The following GAS7 variants were observed in gnomAD, a reference collection of about 807,000 sequenced individuals.
GAS7 encodes growth arrest specific 7, also known as growth arrest-specific protein 7.
In GAS7, 28 loss-of-function variants were observed where a neutral mutation model predicts 71.1. The observed-to-expected ratio is 0.39, with a 90% CI of 0.29 to 0.54. GAS7 has a LOEUF of 0.54. Ranked by LOEUF, GAS7 falls within the 20% of genes least tolerant of loss-of-function variation. The pLI, the probability that GAS7 is intolerant of heterozygous loss-of-function variation, is 0.62. For missense variants in GAS7, 436 were observed against 627.8 expected, an observed-to-expected ratio of 0.69 and a Z score of 3.27; for synonymous variants, 258 against 245.8, an observed-to-expected ratio of 1.05 and a Z score of -0.46.
chr17:10,055,187 T>C (rs1435582073), intron 1 of GAS7, among the ~76,000 whole-genome samples: 1 of 152,140 alleles, frequency 6.6e-6, no homozygotes, highest in Non-Finnish European at 1.5e-5. Flanking sequence ...ACAGCCATCA[T>C]GGTGAGCAGA....
chr17:9,967,516 G>A (rs148345870), intron 4 of GAS7, among the ~76,000 whole-genome samples: 140 of 152,142 alleles, frequency 9.2e-4, no homozygotes, highest in African/African-American at 3.0e-3. Flanking sequence ...GCCACCGTAC[G>A]TTTTCCAGTT....
chr17:10,193,544 G>A (rs2074517965), intron 1 of GAS7, among the ~76,000 whole-genome samples: 1 of 152,170 alleles, frequency 6.6e-6, no homozygotes, highest in Admixed American at 6.5e-5. Flanking sequence ...AATAGAATGT[G>A]GCAGAAACGA....
intron 1 of GAS7, among the ~76,000 whole-genome samples, chr17:10,023,797 A>G (rs764714754): frequency 3.0e-4 from 46 of 152,206 alleles, no homozygotes; most frequent in Admixed American, 1.5e-3. Flanking sequence ...CTGATGGTAA[A>G]TATTTTGTCA....
intron 1 of GAS7, among the ~76,000 whole-genome samples, chr17:10,117,112 G>A (rs992609645): frequency 1.3e-4 from 20 of 152,148 alleles, no homozygotes; most frequent in African/African-American, 4.8e-4. Context: ...GGGCTGGCTG[G>A]TTCCTCCTGG....
Position 10,191,555 on chromosome 17 carries a change from C to CAAAA in GAS7, c.183+6649_183+6652dup, listed in dbSNP as rs59145222. Among the ~76,000 whole-genome samples, 82 of 88,154 alleles carry CAAAA rather than the reference C, an allele frequency of 9.3e-4. 1 individual carries two copies. The highest frequency in any genetic ancestry group is 2.6e-3 in the African/African-American group (59 of 22,304). 57.8% of individuals were successfully genotyped at this position (88,154 alleles called of 152,430 possible). A position where few individuals can be genotyped will look rare whatever the true frequency, so the allele number is the denominator to read the frequency against. On this transcript the variant is annotated intron_variant, in intron 1 of 13. Coordinates refer to ENST00000432992, the MANE Select transcript of GAS7 (RefSeq NM_201433.2). ...TGGGCAACAGAGCAAGACCCTGTGT[C>CAAAA]AAAAAAAAAAAAAAAAAAGGCAGTA...
At chr17:10,047,966 A>T (rs1465927561) in intron 1 of GAS7, among the ~76,000 whole-genome samples, 1 of 152,240 alleles carries the variant, frequency 6.6e-6, no homozygotes, top group Non-Finnish European at 1.5e-5. Flanking sequence ...AAAATTATCA[A>T]GTATTAATAA....
intron 9 of GAS7, among the ~76,000 whole-genome samples, chr17:9,927,302 C>T (rs2068042064): frequency 6.8e-6 from 1 of 146,286 alleles, no homozygotes; most frequent in Admixed American, 6.7e-5. Context: ...CACACACACA[C>T]ACACACACAC....
intron 2 of GAS7, among the ~76,000 whole-genome samples, chr17:10,015,103 C>T (rs945616706): frequency 1.5e-4 from 23 of 151,558 alleles, no homozygotes; most frequent in Admixed American, 3.9e-4. Context: ...TTCAGTGAGC[C>T]GAGATCGCAC....
chr17:10,137,124 A>AAGAGAG (rs142234371), intron 1 of GAS7, among the ~76,000 whole-genome samples: 1 of 150,410 alleles, frequency 6.6e-6, no homozygotes, highest in Admixed American at 6.6e-5. Flanking sequence ...AAAAGAAAAA[A>AAGAGAG]AGAGAGAGAG....
At chr17:9,986,491 C>A (rs2070654248) in intron 2 of GAS7, among the ~76,000 whole-genome samples, 1 of 152,148 alleles carries the variant, frequency 6.6e-6, no homozygotes, top group Admixed American at 6.5e-5. Context: ...AGCTGCTGGT[C>A]CCCGTTCCTC....
At chr17:10,166,779 T>C (rs1308336202) in intron 1 of GAS7, among the ~76,000 whole-genome samples, 1 of 152,216 alleles carries the variant, frequency 6.6e-6, no homozygotes, top group Non-Finnish European at 1.5e-5. Flanking sequence ...CACTCTTGTG[T>C]TTGCAAAATA....
chr17:9,913,762 T>C lies in GAS7; in HGVS notation c.*3466A>G, dbSNP rs1597427505. 8.6e-6 allele frequency: 2 copies of C among 231,420 alleles called. No homozygotes were observed. Among genetic ancestry groups the C allele is most frequent in the African/African-American group, 2.2e-5 (1 of 45,214 alleles). The allele number at this position is 231,420 out of a possible 1,614,324, so 14.3% of individuals were successfully genotyped here. A position where few individuals can be genotyped will look rare whatever the true frequency, so the allele number is the denominator to read the frequency against. ...CACTGACTGAAAGCACTAGAAAGAATAGAGGGTAACAAGTGGCTCTTCCTG... is the reference window on the plus strand; with the variant it reads ...CACTGACTGAAAGCACTAGAAAGAACAGAGGGTAACAAGTGGCTCTTCCTG... On this transcript the variant is annotated 3_prime_UTR_variant, in exon 14 of 14. Transcript: ENST00000432992.
At chr17:10,075,991 A>G (rs1017515167) in intron 1 of GAS7, among the ~76,000 whole-genome samples, 3 of 150,974 alleles carry the variant, frequency 2.0e-5, no homozygotes, top group African/African-American at 7.3e-5. Flanking sequence ...GATCCCAGCT[A>G]CTTGGGAGGT....
chr17:9,946,815 C>T, intron 6 of GAS7, 79 bp downstream of exon 6: 1 of 829,060 alleles, frequency 1.2e-6, no homozygotes, highest in South Asian at 1.5e-5. Context: ...CTTTGAGATC[C>T]AGGTCCCTCC....
intron 1 of GAS7, among the ~76,000 whole-genome samples, chr17:10,105,931 CCATG>C (rs1373857862): frequency 1.3e-5 from 2 of 152,290 alleles, no homozygotes; most frequent in South Asian, 2.1e-4. Context: ...CCAGACCTTG[CCATG>C]TTCGTATTTC....
intron 1 of GAS7, among the ~76,000 whole-genome samples, chr17:10,075,752 C>T (rs2073383249): frequency 6.6e-6 from 1 of 150,642 alleles, no homozygotes; most frequent in African/African-American, 2.4e-5. Context: ...TTATGACTGT[C>T]CCCCTGCACT....
intron 1 of GAS7, among the ~76,000 whole-genome samples, chr17:10,174,968 TC>T (rs1348318530): frequency 2.0e-5 from 3 of 151,876 alleles, no homozygotes; most frequent in Non-Finnish European, 4.4e-5. Flanking sequence ...ACATTAGACT[TC>T]CGAGTAGCTG....
intron 1 of GAS7, among the ~76,000 whole-genome samples, chr17:10,118,130 C>A (rs1248327571): frequency 6.6e-6 from 1 of 152,084 alleles, no homozygotes; most frequent in Non-Finnish European, 1.5e-5. Context: ...GTGGAGACAG[C>A]CAAGACCATC....
At chr17:10,190,053 G>C (rs1220427908) in intron 1 of GAS7, among the ~76,000 whole-genome samples, 1 of 152,118 alleles carries the variant, frequency 6.6e-6, no homozygotes, top group Non-Finnish European at 1.5e-5. Context: ...TGGAACACAG[G>C]CACGCCCATT....
Sources: gnomAD v4.1 joint callset for allele counts (sites outside exome capture counted in the v4.1 genomes callset) on GRCh38, gnomAD v4.1.1 for gene constraint, MANE v1.5 for transcripts, NCBI Gene and HGNC (gene_info 2026-07-23, HGNC 2026-07-21) for gene names.